CLSTN2: variants seen among roughly 807,000 people sequenced by gnomAD.
CLSTN2 encodes calsyntenin-2.
Under a neutral mutation model 101.2 loss-of-function variants are expected in CLSTN2, and 48 were observed. The ratio of observed to expected loss-of-function variants is 0.47; its 90% CI spans 0.38 to 0.60. CLSTN2 has a LOEUF of 0.60. CLSTN2 is among the 20% of genes least tolerant of loss of function. The pLI is 0.00. For missense variants in CLSTN2, 1,160 were observed against 1,238.2 expected (o/e 0.94, Z 0.95); for synonymous variants, 481 against 463.6 (o/e 1.04, Z -0.48).
At chr3:140,358,094 A>T (rs1407598640) in intron 2 of CLSTN2, among the ~76,000 whole-genome samples, 2 of 152,050 alleles carry the variant, frequency 1.3e-5, no homozygotes, top group African/African-American at 4.8e-5. Context: ...TGGGCAGGGT[A>T]GGACTCCCCA....
chr3:140,559,717 C>T (rs918264949), intron 12 of CLSTN2, among the ~76,000 whole-genome samples: 1 of 152,086 alleles, frequency 6.6e-6, no homozygotes, highest in African/African-American at 2.4e-5. Flanking sequence ...CTCCCCTCCC[C>T]CTCCAAAAGC....
intron 2 of CLSTN2, among the ~76,000 whole-genome samples, chr3:140,325,044 T>C (rs2087318370): frequency 3.3e-5 from 5 of 152,216 alleles, no homozygotes; most frequent in Non-Finnish European, 7.3e-5. Context: ...TACAAAGAGA[T>C]TAAAGTTCTT....
In CLSTN2 at chr3:140,341,093, C is replaced by T. The variant is rs570867027; in HGVS notation, c.233-62536C>T. 3.0e-4 allele frequency among the ~76,000 whole-genome samples: 46 copies of T among 152,314 alleles called. No individual in the cohort carries two copies. The South Asian group carries it at 9.5e-3, about 32-fold the overall frequency. On this transcript the variant is annotated intron_variant, in intron 2 of 16. Coordinates refer to ENST00000458420, the MANE Select transcript of CLSTN2 (RefSeq NM_022131.3). ...ATTTCTCCGGCATAAAATTACTCTC[C>T]CTGACCCTTTTCTTCCATGTGATAC...
intron 1 of CLSTN2, among the ~76,000 whole-genome samples, chr3:140,061,758 T>C (rs1332088332): frequency 1.3e-5 from 2 of 152,262 alleles, no homozygotes; most frequent in Admixed American, 6.5e-5. Context: ...AATCTTGCCA[T>C]GGCCTGAAAG....
Position 140,562,264 on chromosome 3 carries a change from G to A in CLSTN2, c.2168G>A (p.Arg723Gln), listed in dbSNP as rs767540497. 52 of 1,613,754 alleles carry A rather than the reference G, an allele frequency of 3.2e-5. 1 individual carries two copies. In the East Asian group the frequency reaches 3.6e-4, roughly 11 times the overall value. ...CTCAACCACAGTGAGCTCCACCAAC[G>A]ACACCTGGATGCCACTAATTCTACT... ...LELNHSELHQ[R>Q]HLDATNSTAG... The change falls in exon 13 of 17, where the codon CGA becomes CAA. Residue 723 changes from arginine to glutamine, a missense_variant. Coordinates refer to ENST00000458420, the MANE Select transcript of CLSTN2 (RefSeq NM_022131.3).
At chr3:140,308,539 T>G (rs1259247348) in intron 2 of CLSTN2, among the ~76,000 whole-genome samples, 2 of 152,250 alleles carry the variant, frequency 1.3e-5, no homozygotes, top group African/African-American at 2.4e-5. Context: ...TAGTTAATTC[T>G]AGCAAGCACA....
chr3:140,155,229 A>G (rs2009936450), intron 1 of CLSTN2, among the ~76,000 whole-genome samples: 1 of 152,208 alleles, frequency 6.6e-6, no homozygotes, highest in African/African-American at 2.4e-5. Context: ...AGGTAGTATC[A>G]TCTGGGAATG....
chr3:140,383,317 C>T (rs2088008281), intron 2 of CLSTN2, among the ~76,000 whole-genome samples: 1 of 152,106 alleles, frequency 6.6e-6, no homozygotes, highest in Non-Finnish European at 1.5e-5. Flanking sequence ...CTTTGAACTG[C>T]CTGGTATATA....
chr3:140,200,137 A>AG (rs2010699723), intron 2 of CLSTN2, among the ~76,000 whole-genome samples: 1 of 152,184 alleles, frequency 6.6e-6, no homozygotes, highest in Non-Finnish European at 1.5e-5. Flanking sequence ...TGTTCTAGGC[A>AG]GGGGCTGTAT....
intron 2 of CLSTN2, among the ~76,000 whole-genome samples, chr3:140,286,158 G>A (rs1177462407): frequency 6.6e-6 from 1 of 152,108 alleles, no homozygotes; most frequent in African/African-American, 2.4e-5. Context: ...CCCCGGTAAA[G>A]GAAGCAACCT....
intron 2 of CLSTN2, among the ~76,000 whole-genome samples, chr3:140,338,001 A>G (rs759010140): frequency 4.6e-5 from 7 of 152,114 alleles, no homozygotes; most frequent in Non-Finnish European, 8.8e-5. Context: ...GGGGGAAACA[A>G]AGGCACTCTG....
chr3:140,565,920 T>G, intron 16 of CLSTN2, 133 bp from the exon 17 acceptor site: 10 of 1,108,168 alleles, frequency 9.0e-6, no homozygotes, highest in Non-Finnish European at 1.3e-5. Flanking sequence ...GTCTCCAGGC[T>G]GAAGAGTTTT....
In CLSTN2 at chr3:140,261,726, G is replaced by A. The variant is rs572859826; in HGVS notation, c.232+85653G>A. 7.2e-5 allele frequency among the ~76,000 whole-genome samples: 11 copies of A among 152,186 alleles called. No individual in the cohort carries two copies. In the East Asian group the frequency reaches 1.4e-3, roughly 19 times the overall value. Reference sequence around the variant, plus strand: ...CGTGTGTGTGTGTGTTACTATCTGCGTCTATAAGCTAAACATGAGTTTGTA... The same window carrying A: ...CGTGTGTGTGTGTGTTACTATCTGCATCTATAAGCTAAACATGAGTTTGTA... On this transcript the variant is annotated intron_variant, in intron 2 of 16. Transcript: ENST00000458420.
chr3:140,426,726 A>G (rs1559866449), intron 5 of CLSTN2, among the ~76,000 whole-genome samples: 2 of 152,298 alleles, frequency 1.3e-5, no homozygotes, highest in South Asian at 2.1e-4. Context: ...CTGATGTTAT[A>G]TGGGGCCCAG....
chr3:140,264,375 A>AATATATATATATATATATATATAT (rs61248635), intron 2 of CLSTN2, among the ~76,000 whole-genome samples: 1 of 98,520 alleles, frequency 1.0e-5, no homozygotes, highest in Non-Finnish European at 2.0e-5. Flanking sequence ...TAATGAATCA[A>AATATATATATATATATATATATAT]ATATATATAT....
intron 5 of CLSTN2, among the ~76,000 whole-genome samples, chr3:140,438,431 T>TAA (rs60186664): frequency 0.013 from 601 of 45,554 alleles, 62 homozygotes; most frequent in Admixed American, 0.018. Flanking sequence ...GTCCTTTCAT[T>TAA]AAAAAAAAAA....
chr3:140,203,540 G>GA (rs2010745791), intron 2 of CLSTN2, among the ~76,000 whole-genome samples: 1 of 127,758 alleles, frequency 7.8e-6, no homozygotes, highest in South Asian at 2.6e-4. Context: ...TTTGTTGGTA[G>GA]AAAATGTTAG....
rs1374526095 is a variant in CLSTN2, at chr3:140,240,162, CTCTCTCTCTCTCTA to C, written c.232+64091_232+64104del. Among the ~76,000 whole-genome samples the C allele has an allele frequency of 6.6e-4, 12 of 18,076 alleles. 1 individual carries two copies. The East Asian group carries it at 0.076, about 115-fold the overall frequency. The allele number at this position is 18,076 out of a possible 152,430, so 11.9% of individuals were successfully genotyped here. A position where few individuals can be genotyped will look rare whatever the true frequency, so the allele number is the denominator to read the frequency against. On this transcript the variant is annotated intron_variant, in intron 2 of 16. Transcript: ENST00000458420. ...TCTCTCTCTCTCTCTGTCTCTCTCT[CTCTCTCTCTCTCTA>C]TATATATATATATATATATATATAC...
At position 140,078,343 on chromosome 3, in the gene CLSTN2, A is replaced by G. The variant is rs188100330; in HGVS notation, c.110-97608A>G. Among the ~76,000 whole-genome samples, 229 of 152,330 alleles carry G rather than the reference A, an allele frequency of 1.5e-3. 1 individual carries two copies. Among genetic ancestry groups the G allele is most frequent in the Non-Finnish European group, 1.4e-3 (93 of 68,032 alleles). ...AACATGGAGCTGGTCAATGCACGGT[A>G]TCTGGTAATTGTGGATGGGGGAGAT... On this transcript the variant is annotated intron_variant, in intron 1 of 16. Coordinates refer to ENST00000458420, the MANE Select transcript of CLSTN2 (RefSeq NM_022131.3).
Sources: gnomAD v4.1 joint callset for allele counts (sites outside exome capture counted in the v4.1 genomes callset) on GRCh38, gnomAD v4.1.1 for gene constraint, MANE v1.5 for transcripts, NCBI Gene and HGNC (gene_info 2026-07-23, HGNC 2026-07-21) for gene names.